PRSS53: variants seen among roughly 807,000 people sequenced by gnomAD.
The protein encoded by PRSS53 is EDTP308.
Under a neutral mutation model 62.7 loss-of-function variants are expected in PRSS53, and 54 were observed. That is an observed-to-expected ratio of 0.86 (90% CI 0.69 to 1.08). The LOEUF (loss-of-function observed/expected upper bound fraction) is 1.08. PRSS53 is among the 50% of genes least tolerant of loss of function. The pLI is 0.00. For missense variants in PRSS53, 688 were observed against 728.3 expected (o/e 0.94, Z 0.64); for synonymous variants, 273 against 300.0 (o/e 0.91, Z 0.93).
chr16:31,086,518 A>AGAGTCTGG, intron 4 of PRSS53, 27 bp from the exon 5 acceptor site: 4 of 1,596,116 alleles, frequency 2.5e-6, no homozygotes, highest in Non-Finnish European at 3.4e-6. Flanking sequence ...GGCTGGGGCT[A>AGAGTCTGG]GAGTCTGGGA....
At chr16:31,087,249 G>A in intron 3 of PRSS53, 1 of 543,238 alleles carries the variant, frequency 1.8e-6, no homozygotes. Context: ...CTCCCTCCGT[G>A]GCCTCCCAAA....
exon 8 of PRSS53, chr16:31,084,920 C>T (rs2057215720): frequency 4.5e-6 from 7 of 1,542,828 alleles, no homozygotes; most frequent in Non-Finnish European, 6.1e-6. Context: ...CATGTCGTAG[C>T]CCCCCTCAGG....
At chr16:31,085,865 T>C (rs2057226783) in intron 6 of PRSS53, 99 bp downstream of exon 6, 1 of 1,115,578 alleles carries the variant, frequency 9.0e-7, no homozygotes, top group African/African-American at 1.5e-5. Context: ...AGCCCCCTAA[T>C]TAGGCTCGGC....
At chr16:31,088,122 G>T (rs1000449091) in intron 1 of PRSS53, 3 of 1,359,088 alleles carry the variant, frequency 2.2e-6, no homozygotes, top group African/African-American at 2.9e-5. Context: ...CCCAACTCCT[G>T]CCCCCGCCAC....
chr16:31,085,366 A>T (rs924630193), intron 6 of PRSS53, 106 bp from the exon 7 acceptor site: 76 of 1,289,986 alleles, frequency 5.9e-5, no homozygotes, highest in East Asian at 4.7e-4. Flanking sequence ...CTCATTACTG[A>T]AGGTAACCAA....
At position 31,088,466 on chromosome 16, in the gene PRSS53, G is replaced by C. The variant is rs2057257206; in HGVS notation, c.58+286C>G. The C allele has an allele frequency of 7.7e-6, 10 of 1,303,694 alleles. No individual in the cohort carries two copies. The South Asian group carries it at 1.7e-4, about 23-fold the overall frequency. The allele number at this position is 1,303,694 out of a possible 1,614,324, so 80.8% of individuals were successfully genotyped here. ...CCCAGAGTTTGCCTGACGTCATTGTGGAAGTCGAGGGGGAGGCAGGCACAG... is the reference window on the plus strand; with the variant it reads ...CCCAGAGTTTGCCTGACGTCATTGTCGAAGTCGAGGGGGAGGCAGGCACAG... On this transcript the variant is annotated intron_variant, in intron 1 of 10. Coordinates refer to ENST00000280606, the Ensembl canonical transcript of PRSS53.
chr16:31,086,202 G>A lies in PRSS53; in HGVS notation c.664-19C>T, dbSNP rs372328500. ...AATCTCCCTGGAGCCAGGCAACAAA[G>A]CCAAGGACAGATGCCTGAGCCCAGC... On this transcript the variant is annotated intron_variant, in intron 5 of 10. Coordinates refer to ENST00000280606, the Ensembl canonical transcript of PRSS53. 1.7e-5 allele frequency: 28 copies of A among 1,604,466 alleles called. No homozygotes were observed. Among genetic ancestry groups the A allele is most frequent in the Non-Finnish European group, 2.2e-5 (26 of 1,175,780 alleles).
chr16:31,088,843 C>G (rs376473958), exon 1 of PRSS53: 2 of 1,612,538 alleles, frequency 1.2e-6, no homozygotes, highest in Admixed American at 3.3e-5. Flanking sequence ...CTGTGCTCCA[C>G]TCTGAGAGAG....
intron 1 of PRSS53, chr16:31,088,227 A>G (rs2057254754): frequency 8.8e-7 from 1 of 1,136,874 alleles, no homozygotes. Context: ...GGCCTGCATC[A>G]TTTCCAAGTG....
At chr16:31,083,661 C>G in exon 11 of PRSS53, 1 of 1,555,452 alleles carries the variant, frequency 6.4e-7, no homozygotes, top group South Asian at 1.2e-5. Flanking sequence ...CAGGTTCCTT[C>G]CCACAGCTGC....
In PRSS53 at chr16:31,087,414, G is replaced by A. The variant is rs993078274; in HGVS notation, c.242+123C>T. 4.9e-5 allele frequency: 34 copies of A among 691,322 alleles called. 2 individuals are homozygous for A. The South Asian group carries it at 6.1e-4, about 12-fold the overall frequency. The allele number at this position is 691,322 out of a possible 1,614,324, so 42.8% of individuals were successfully genotyped here. A position where few individuals can be genotyped will look rare whatever the true frequency, so the allele number is the denominator to read the frequency against. ...CTTGACAATATGTACCCAGTACATG[G>A]CAGATTCTCAGTAAATGGTTCTTTA... On this transcript the variant is annotated intron_variant, in intron 3 of 10. Coordinates refer to ENST00000280606, the Ensembl canonical transcript of PRSS53.
chr16:31,088,079 G>GAGT lies in PRSS53; in HGVS notation c.59-256_59-254dup. 7 of 1,404,912 alleles carry GAGT rather than the reference G, an allele frequency of 5.0e-6. No individual in the cohort carries two copies. In the South Asian group the frequency reaches 1.0e-4, roughly 21 times the overall value. The allele number at this position is 1,404,912 out of a possible 1,614,324, so 87.0% of individuals were successfully genotyped here. On this transcript the variant is annotated intron_variant, in intron 1 of 10. Transcript: ENST00000280606. Reference sequence around the variant, plus strand: ...CTCTGGGGCTTGGGGTTCAGCTTGGGAGTAGGCCAGCCCTCCTCCAGGCTT... The same window carrying GAGT: ...CTCTGGGGCTTGGGGTTCAGCTTGGGAGTAGTAGGCCAGCCCTCCTCCAGGCTT...
chr16:31,087,186 ATG>A, intron 3 of PRSS53: 1 of 520,466 alleles, frequency 1.9e-6, no homozygotes. Context: ...TTGTAGAGAC[ATG>A]GTCTTGCTAT....
At chr16:31,086,128 G>C (rs372032070) in exon 6 of PRSS53, 2 of 1,613,322 alleles carry the variant, frequency 1.2e-6, no homozygotes, top group Admixed American at 1.7e-5. Context: ...GATGATGCCA[G>C]CCTGAACCCA....
chr16:31,087,709 G>A lies in PRSS53; in HGVS notation c.80-10C>T, dbSNP rs2057249340. ...CCACGCTGTCCACAGGCTGTGGAAA[G>A]GAGTTAGTCACACTGACAGCAGATA... On this transcript the variant is annotated splice_polypyrimidine_tract_variant and intron_variant, in intron 2 of 10. Coordinates refer to ENST00000280606, the Ensembl canonical transcript of PRSS53. 2 of 1,613,768 alleles carry A rather than the reference G, an allele frequency of 1.2e-6. No individual in the cohort carries two copies. Among genetic ancestry groups the A allele is most frequent in the African/African-American group, 2.7e-5 (2 of 75,034 alleles).
At chr16:31,086,296 A>G (rs2057232780) in intron 5 of PRSS53, 41 bp downstream of exon 5, 3 of 1,589,484 alleles carry the variant, frequency 1.9e-6, no homozygotes, top group East Asian at 4.5e-5. Flanking sequence ...GCCCAGGGTT[A>G]GGCCCCTCCC....
At chr16:31,084,247 G>A (rs767610221) in exon 10 of PRSS53, 1 of 1,612,128 alleles carries the variant, frequency 6.2e-7, no homozygotes, top group Non-Finnish European at 8.5e-7. Flanking sequence ...CGGCCTGGCG[G>A]GGCCTTGGCA....
chr16:31,085,584 T>G (rs2057223894), intron 6 of PRSS53, among the ~76,000 whole-genome samples: 1 of 152,214 alleles, frequency 6.6e-6, no homozygotes, highest in African/African-American at 2.4e-5. Flanking sequence ...TCCTGACTCA[T>G]TAGTGCATCT....
chr16:31,086,367 G>T (rs2057233660), exon 5 of PRSS53: 1 of 1,613,178 alleles, frequency 6.2e-7, no homozygotes, highest in Admixed American at 1.7e-5. Flanking sequence ...CAGGCTGGGG[G>T]CCCCCACATA....
Sources: allele counts gnomAD v4.1 joint callset (sites outside exome capture counted in the v4.1 genomes callset), GRCh38; gene constraint gnomAD v4.1.1; transcripts MANE v1.5; gene names NCBI Gene and HGNC (gene_info 2026-07-23, HGNC 2026-07-21).